C12orf54: variants seen among roughly 807,000 people sequenced by gnomAD.
The protein encoded by C12orf54 is uncharacterized protein C12orf54.
C12orf54 carries 24 observed loss-of-function variants against 26.4 expected under a neutral mutation model. The ratio of observed to expected loss-of-function variants is 0.91; its 90% CI spans 0.66 to 1.28. The LOEUF is 1.28. Ranked by LOEUF, C12orf54 falls within the 50% of genes most tolerant of loss-of-function variation. C12orf54 has a pLI of 0.00. For missense variants in C12orf54, 154 were observed against 150.9 expected, an observed-to-expected ratio of 1.02 and a Z score of -0.11; for synonymous variants, 54 against 47.0, an observed-to-expected ratio of 1.15 and a Z score of -0.61.
At chr12:48,423,475 G>A in the C12orf54 span, among the ~76,000 whole-genome samples, 1 of 151,968 alleles carries the variant, frequency 6.6e-6, no homozygotes, top group African/African-American at 2.4e-5. Flanking sequence ...AAACCAGATG[G>A]TTCGCAAAAA....
chr12:48,469,192 A>G, the C12orf54 span, among the ~76,000 whole-genome samples: 3 of 152,346 alleles, frequency 2.0e-5, no homozygotes, highest in Non-Finnish European at 2.9e-5. Flanking sequence ...AGAATTCGCC[A>G]GGCTGGAATT....
the C12orf54 span, among the ~76,000 whole-genome samples, chr12:48,436,649 A>G: frequency 6.6e-6 from 1 of 152,226 alleles, no homozygotes; most frequent in South Asian, 2.1e-4. Context: ...CTGCTCCTGA[A>G]TGACTATGGG....
chr12:48,476,794 A>G, the C12orf54 span, among the ~76,000 whole-genome samples: 216 of 152,288 alleles, frequency 1.4e-3, no homozygotes, highest in African/African-American at 4.7e-3. Context: ...CACAATAATA[A>G]TGGGAGATGG....
chr12:48,455,579 A>G, the C12orf54 span, among the ~76,000 whole-genome samples: 1 of 152,180 alleles, frequency 6.6e-6, no homozygotes, highest in Non-Finnish European at 1.5e-5. Flanking sequence ...TTTTTCTTTC[A>G]GATCTTCCAG....
chr12:48,415,439 C>A, the C12orf54 span, among the ~76,000 whole-genome samples: 1 of 152,210 alleles, frequency 6.6e-6, no homozygotes, highest in African/African-American at 2.4e-5. Context: ...TCCAATGTTA[C>A]AAAATCCAGT....
At chr12:48,437,482 C>T in the C12orf54 span, among the ~76,000 whole-genome samples, 2 of 152,310 alleles carry the variant, frequency 1.3e-5, no homozygotes, top group East Asian at 1.9e-4. Context: ...CCTTGATGAA[C>T]ATTGATGCAA....
At chr12:48,424,014 A>G in the C12orf54 span, among the ~76,000 whole-genome samples, 2 of 152,104 alleles carry the variant, frequency 1.3e-5, no homozygotes, top group African/African-American at 4.8e-5. Flanking sequence ...GGGTGTTCTC[A>G]TCTATTCTTA....
the C12orf54 span, among the ~76,000 whole-genome samples, chr12:48,451,160 C>T: frequency 2.2e-4 from 33 of 152,110 alleles, no homozygotes; most frequent in Admixed American, 7.9e-4. Flanking sequence ...TCATCCCTGA[C>T]ATGCAAGTTT....
In C12orf54 at chr12:48,486,203, C is replaced by T; in HGVS notation, c.91C>T (p.Pro31Ser). Residue 31 changes from proline (P) to serine (S), a missense_variant, in exon 3 of 9, where the codon CCA (proline) becomes TCA (serine). Transcript: ENST00000548364. The part of the protein sequence containing the change: ...RSTSIEETMR[P>S]QEKQVTITET... ...CACATCCATAGAAGAGACAATGAGA[C>T]CACAGGTGGGTAAGGTATCCAAATT... 1 of 1,610,486 alleles carries T rather than the reference C, an allele frequency of 6.2e-7. No homozygotes were observed. Among genetic ancestry groups the T allele is most frequent in the South Asian group, 1.1e-5 (1 of 91,012 alleles).
the C12orf54 span, among the ~76,000 whole-genome samples, chr12:48,464,335 A>G: frequency 6.6e-6 from 1 of 152,172 alleles, no homozygotes; most frequent in Non-Finnish European, 1.5e-5. Flanking sequence ...TGCCACAAAA[A>G]GAATGAAATA....
the C12orf54 span, among the ~76,000 whole-genome samples, chr12:48,448,862 T>C: frequency 0.015 from 2,359 of 152,294 alleles, 34 homozygotes; most frequent in Non-Finnish European, 0.024. Flanking sequence ...CCTGAGAACA[T>C]GTGCCCAAGG....
chr12:48,486,828 T>G, intron 4 of C12orf54, 102 bp downstream of exon 4: 1 of 1,229,986 alleles, frequency 8.1e-7, no homozygotes, highest in Non-Finnish European at 1.2e-6. Flanking sequence ...GAGCGGTTTG[T>G]TGATTGACGG....
At chr12:48,413,705 C>T in the C12orf54 span, among the ~76,000 whole-genome samples, 1 of 152,278 alleles carries the variant, frequency 6.6e-6, no homozygotes, top group Non-Finnish European at 1.5e-5. Context: ...CTTTTTTACA[C>T]TTTTTATGAC....
the C12orf54 span, among the ~76,000 whole-genome samples, chr12:48,465,181 T>A: frequency 6.6e-6 from 1 of 152,104 alleles, no homozygotes; most frequent in Non-Finnish European, 1.5e-5. Context: ...GACAAACGTC[T>A]AATGCAGTAT....
chr12:48,465,066 T>G, the C12orf54 span, among the ~76,000 whole-genome samples: 18 of 152,080 alleles, frequency 1.2e-4, no homozygotes, highest in Non-Finnish European at 2.4e-4. Context: ...AATTGACAAA[T>G]GGGATCTAAT....
chr12:48,434,464 C>T, the C12orf54 span, among the ~76,000 whole-genome samples: 282 of 152,310 alleles, frequency 1.9e-3, no homozygotes, highest in African/African-American at 6.1e-3. Flanking sequence ...AGACTGCCTC[C>T]TCAAGTGGGT....
chr12:48,495,976 ATG>A (rs1433084898), intron 8 of C12orf54, among the ~76,000 whole-genome samples: 1 of 152,148 alleles, frequency 6.6e-6, no homozygotes, highest in Non-Finnish European at 1.5e-5. Context: ...AAAATTCCTG[ATG>A]TGGAAACTAC....
the C12orf54 span, among the ~76,000 whole-genome samples, chr12:48,463,288 A>G: frequency 6.6e-6 from 1 of 152,048 alleles, no homozygotes; most frequent in African/African-American, 2.4e-5. Context: ...AGAGATTATT[A>G]TGAACACCTT....
chr12:48,451,637 G>C, the C12orf54 span, among the ~76,000 whole-genome samples: 1 of 152,162 alleles, frequency 6.6e-6, no homozygotes, highest in East Asian at 1.9e-4. Flanking sequence ...AGCAACTTCA[G>C]CAAAGTCTCA....
Sources: allele counts gnomAD v4.1 joint callset (sites outside exome capture counted in the v4.1 genomes callset), GRCh38; gene constraint gnomAD v4.1.1; transcripts MANE v1.5; gene names NCBI Gene and HGNC (gene_info 2026-07-23, HGNC 2026-07-21).